E2F3: variants seen among roughly 807,000 people sequenced by gnomAD.
E2F3 encodes E2F transcription factor 3, also known as transcription factor E2F3.
In E2F3, 11 loss-of-function variants were observed where a neutral mutation model predicts 44.4. That is an observed-to-expected ratio of 0.25 (90% CI 0.16 to 0.41). The LOEUF (loss-of-function observed/expected upper bound fraction) is 0.41. Ranked by LOEUF, E2F3 falls within the 10% of genes least tolerant of loss-of-function variation. The pLI, the probability that E2F3 is intolerant of heterozygous loss-of-function variation, is 1.00. For missense variants in E2F3, 487 were observed against 583.6 expected (o/e 0.83, Z 1.70); for synonymous variants, 249 against 253.0 (o/e 0.98, Z 0.15).
chr6:20,477,901 C>T (rs568221027), intron 1 of E2F3, among the ~76,000 whole-genome samples: 51 of 152,200 alleles, frequency 3.4e-4, no homozygotes, highest in African/African-American at 1.1e-3. Context: ...TATAGGTGGA[C>T]ACACTCATGG....
chr6:20,482,659 A>C (rs1473597501), intron 3 of E2F3, 103 bp from the exon 4 acceptor site: 2 of 1,066,894 alleles, frequency 1.9e-6, no homozygotes, highest in African/African-American at 3.2e-5. Flanking sequence ...GCTAACAAGC[A>C]ATGTGACCTC....
intron 1 of E2F3, among the ~76,000 whole-genome samples, chr6:20,463,257 A>C (rs1761585857): frequency 6.6e-6 from 1 of 152,174 alleles, no homozygotes; most frequent in Admixed American, 6.5e-5. Context: ...TTTAAAAATT[A>C]GTAAATTGTG....
At chr6:20,488,524 C>G (rs754757311) in intron 6 of E2F3, among the ~76,000 whole-genome samples, 30 of 152,204 alleles carry the variant, frequency 2.0e-4, no homozygotes, top group Non-Finnish European at 3.7e-4. Flanking sequence ...AGGAGCAAAG[C>G]TGTGAACTGT....
chr6:20,430,815 A>T (rs1006137563), intron 1 of E2F3, among the ~76,000 whole-genome samples: 4 of 152,220 alleles, frequency 2.6e-5, no homozygotes, highest in African/African-American at 9.6e-5. Flanking sequence ...ACCTGAGGTC[A>T]GGAGTTTGAG....
chr6:20,419,722 G>T (rs1329067475), intron 1 of E2F3, among the ~76,000 whole-genome samples: 4 of 151,566 alleles, frequency 2.6e-5, no homozygotes, highest in African/African-American at 9.7e-5. Context: ...ACGCCACCAT[G>T]GCTGGCTACT....
At chr6:20,418,980 C>T (rs1020279602) in intron 1 of E2F3, among the ~76,000 whole-genome samples, 11 of 151,970 alleles carry the variant, frequency 7.2e-5, no homozygotes, top group African/African-American at 2.7e-4. Context: ...CAGAGATAAC[C>T]ACAATCACAG....
chr6:20,408,749 G>A (rs984504389), intron 1 of E2F3, among the ~76,000 whole-genome samples: 8 of 152,120 alleles, frequency 5.3e-5, no homozygotes, highest in Non-Finnish European at 1.0e-4. Flanking sequence ...ATTGGCAGCT[G>A]ATGGAATAGA....
chr6:20,451,553 C>G (rs905321587), intron 1 of E2F3, among the ~76,000 whole-genome samples: 2 of 152,106 alleles, frequency 1.3e-5, no homozygotes, highest in African/African-American at 2.4e-5. Flanking sequence ...CACTTTATTT[C>G]TTTCTCTTGA....
intron 1 of E2F3, among the ~76,000 whole-genome samples, chr6:20,471,000 C>T (rs192123479): frequency 1.3e-5 from 2 of 152,258 alleles, no homozygotes; most frequent in East Asian, 1.9e-4. Flanking sequence ...AAGTAACCCA[C>T]GCTCACTTTA....
chr6:20,442,967 C>CAAAA (rs60258972), intron 1 of E2F3, among the ~76,000 whole-genome samples: 4 of 147,926 alleles, frequency 2.7e-5, no homozygotes, highest in African/African-American at 9.9e-5. Context: ...CAAACTGTCT[C>CAAAA]AAAAAAAAAA....
At chr6:20,479,255 A>G (rs926639128) in intron 1 of E2F3, among the ~76,000 whole-genome samples, 2 of 152,218 alleles carry the variant, frequency 1.3e-5, no homozygotes, top group African/African-American at 4.8e-5. Flanking sequence ...TATACAGTAT[A>G]TAGAGAGAGT....
intron 1 of E2F3, among the ~76,000 whole-genome samples, chr6:20,404,585 G>T (rs1759429658): frequency 6.6e-6 from 1 of 152,232 alleles, no homozygotes; most frequent in Admixed American, 6.5e-5. Context: ...TTTGGGAAAT[G>T]GGATGGGTTT....
At chr6:20,409,954 T>C (rs1759617421) in intron 1 of E2F3, among the ~76,000 whole-genome samples, 2 of 152,214 alleles carry the variant, frequency 1.3e-5, no homozygotes, top group African/African-American at 4.8e-5. Flanking sequence ...GAAGCTGATT[T>C]CCTCTGGAAA....
intron 1 of E2F3, among the ~76,000 whole-genome samples, chr6:20,466,732 G>A (rs1408910056): frequency 2.7e-5 from 4 of 147,890 alleles, no homozygotes; most frequent in East Asian, 4.0e-4. Flanking sequence ...GCCCAGGCTC[G>A]AGTGCAGTGG....
intron 1 of E2F3, among the ~76,000 whole-genome samples, chr6:20,475,000 A>G (rs1396450828): frequency 6.6e-6 from 1 of 152,240 alleles, no homozygotes; most frequent in Non-Finnish European, 1.5e-5. Flanking sequence ...AGCAGTTTGT[A>G]GAGCCTATAA....
chr6:20,471,437 C>T (rs981209188), intron 1 of E2F3, among the ~76,000 whole-genome samples: 16 of 152,172 alleles, frequency 1.1e-4, no homozygotes, highest in African/African-American at 3.9e-4. Context: ...ACAAAATTAG[C>T]CGGGTGTGGT....
intron 1 of E2F3, among the ~76,000 whole-genome samples, chr6:20,429,075 G>C (rs1760311019): frequency 6.6e-6 from 1 of 152,132 alleles, no homozygotes; most frequent in Non-Finnish European, 1.5e-5. Context: ...AGAGGCCAGG[G>C]ATACTGTTAA....
chr6:20,464,927 C>T (rs1761651751), intron 1 of E2F3, among the ~76,000 whole-genome samples: 1 of 152,308 alleles, frequency 6.6e-6, no homozygotes, highest in African/African-American at 2.4e-5. Flanking sequence ...GACATAATAT[C>T]CATTCCTATA....
intron 1 of E2F3, among the ~76,000 whole-genome samples, chr6:20,444,583 G>C (rs368840964): frequency 6.6e-6 from 1 of 151,910 alleles, no homozygotes; most frequent in Admixed American, 6.6e-5. Flanking sequence ...TTATTCCATT[G>C]TGTCTGCCTG....
Sources: gnomAD v4.1 joint callset for allele counts (sites outside exome capture counted in the v4.1 genomes callset) on GRCh38, gnomAD v4.1.1 for gene constraint, MANE v1.5 for transcripts, NCBI Gene and HGNC (gene_info 2026-07-23, HGNC 2026-07-21) for gene names.